ZFPM2: variants seen among roughly 807,000 people sequenced by gnomAD.
ZFPM2 encodes the protein zinc finger protein, FOG family member 2.
Under a neutral mutation model 98.6 loss-of-function variants are expected in ZFPM2, and 20 were observed. The ratio of observed to expected loss-of-function variants is 0.20; its 90% CI spans 0.14 to 0.29. The LOEUF is 0.29. Ranked by LOEUF, ZFPM2 falls within the 10% of genes least tolerant of loss-of-function variation. The pLI is 1.00. For synonymous variants in ZFPM2, 518 were observed against 502.7 expected (o/e 1.03, Z -0.41); for missense variants, 1,310 against 1,388.6 (o/e 0.94, Z 0.90).
chr8:105,645,114 T>C (rs1817018268), intron 5 of ZFPM2, among the ~76,000 whole-genome samples: 1 of 152,200 alleles, frequency 6.6e-6, no homozygotes, highest in African/African-American at 2.4e-5. Context: ...AGCTGCTCAA[T>C]GAATATTTTT....
At chr8:105,584,432 G>A (rs1815669351) in intron 4 of ZFPM2, among the ~76,000 whole-genome samples, 1 of 152,056 alleles carries the variant, frequency 6.6e-6, no homozygotes, top group Non-Finnish European at 1.5e-5. Flanking sequence ...GCCAAGAAAG[G>A]ATGAGTAGGG....
At chr8:105,480,479 A>G (rs1339870189) in intron 3 of ZFPM2, among the ~76,000 whole-genome samples, 1 of 152,188 alleles carries the variant, frequency 6.6e-6, no homozygotes, top group Admixed American at 6.5e-5. Flanking sequence ...CGCAGAGAAA[A>G]TAAGTTATGT....
chr8:105,691,231 CTTTTTTTTTTTTTTT>C (rs869164122), intron 5 of ZFPM2, among the ~76,000 whole-genome samples: 2 of 67,964 alleles, frequency 2.9e-5, no homozygotes, highest in African/African-American at 1.6e-4. Context: ...CCCAAAGAGA[CTTTTTTTTTTTTTTT>C]TTTTTTTTTT....
At chr8:105,331,952 T>G (rs1563607764) in intron 1 of ZFPM2, among the ~76,000 whole-genome samples, 1 of 151,790 alleles carries the variant, frequency 6.6e-6, no homozygotes, top group Non-Finnish European at 1.5e-5. Context: ...CCTAAACTTT[T>G]GATCATGGAC....
At chr8:105,387,965 A>G (rs748471399) in intron 1 of ZFPM2, 3 of 152,274 alleles carry the variant, frequency 2.0e-5, no homozygotes, top group Non-Finnish European at 4.4e-5. Flanking sequence ...TTTCTGATGC[A>G]GTAAGAAATT....
chr8:105,319,361 TG>T (rs1008011333), intron 1 of ZFPM2, among the ~76,000 whole-genome samples: 2 of 152,170 alleles, frequency 1.3e-5, no homozygotes, highest in Non-Finnish European at 2.9e-5. Context: ...GCGATTGACG[TG>T]GGACTACTCT....
intron 5 of ZFPM2, among the ~76,000 whole-genome samples, chr8:105,669,115 T>A (rs1817541233): frequency 6.6e-6 from 1 of 152,060 alleles, no homozygotes; most frequent in African/African-American, 2.4e-5. Flanking sequence ...TATCTTATTC[T>A]TACAATGACT....
chr8:105,748,080 G>A (rs1307095396), intron 5 of ZFPM2, among the ~76,000 whole-genome samples: 1 of 151,916 alleles, frequency 6.6e-6, no homozygotes, highest in Non-Finnish European at 1.5e-5. Flanking sequence ...TGCTTTCATT[G>A]ACTTTATATA....
chr8:105,431,049 G>GCCCC (rs985119272), intron 2 of ZFPM2, among the ~76,000 whole-genome samples: 1 of 151,672 alleles, frequency 6.6e-6, no homozygotes, highest in Non-Finnish European at 1.5e-5. Context: ...GACTACAGGC[G>GCCCC]CCCCCCACCA....
At chr8:105,386,646 G>A (rs1476896391) in intron 1 of ZFPM2, among the ~76,000 whole-genome samples, 2 of 152,236 alleles carry the variant, frequency 1.3e-5, no homozygotes, top group African/African-American at 2.4e-5. Flanking sequence ...TGCACAGAGC[G>A]AAAGAACAAA....
At chr8:105,780,848 C>T (rs1260874517) in intron 5 of ZFPM2, among the ~76,000 whole-genome samples, 1 of 152,174 alleles carries the variant, frequency 6.6e-6, no homozygotes, top group East Asian at 1.9e-4. Flanking sequence ...CCATTGCACT[C>T]TAGCCTGGGC....
At chr8:105,528,386 A>G (rs1382173735) in intron 3 of ZFPM2, among the ~76,000 whole-genome samples, 1 of 152,110 alleles carries the variant, frequency 6.6e-6, no homozygotes, top group Non-Finnish European at 1.5e-5. Flanking sequence ...AATTTGAACT[A>G]AACTCTGAAG....
At chr8:105,370,774 T>C (rs1275294020) in intron 1 of ZFPM2, among the ~76,000 whole-genome samples, 3 of 152,246 alleles carry the variant, frequency 2.0e-5, no homozygotes, top group Non-Finnish European at 4.4e-5. Context: ...CTGTATTTTA[T>C]GCCTGAGGAA....
intron 4 of ZFPM2, among the ~76,000 whole-genome samples, chr8:105,602,913 C>A (rs1470872504): frequency 6.6e-6 from 1 of 152,038 alleles, no homozygotes; most frequent in Non-Finnish European, 1.5e-5. Flanking sequence ...CTTTTTAAAT[C>A]AAGTCACATA....
At chr8:105,469,894 A>G (rs1812864431) in intron 3 of ZFPM2, among the ~76,000 whole-genome samples, 1 of 152,216 alleles carries the variant, frequency 6.6e-6, no homozygotes, top group Non-Finnish European at 1.5e-5. Context: ...TAAAGGGCAT[A>G]ACAAAGTGCC....
chr8:105,664,159 TG>T (rs1300228950), intron 5 of ZFPM2, among the ~76,000 whole-genome samples: 2 of 152,250 alleles, frequency 1.3e-5, no homozygotes, highest in Non-Finnish European at 2.9e-5. Context: ...CGATGACTTT[TG>T]TACTCCATTG....
At chr8:105,446,813 G>T (rs1812380844) in intron 3 of ZFPM2, among the ~76,000 whole-genome samples, 1 of 151,810 alleles carries the variant, frequency 6.6e-6, no homozygotes. Flanking sequence ...CCAAAAAAGG[G>T]GTTTTATTAT....
intron 3 of ZFPM2, among the ~76,000 whole-genome samples, chr8:105,498,046 A>C (rs959841928): frequency 2.0e-5 from 3 of 149,364 alleles, no homozygotes; most frequent in Admixed American, 1.3e-4. Flanking sequence ...AAAAAAAAAA[A>C]CAAAATCCAG....
In ZFPM2 at chr8:105,610,809, A is replaced by C. The variant is rs545695029; in HGVS notation, c.421-23437A>C. On this transcript the variant is annotated intron_variant, in intron 4 of 7. Transcript: ENST00000407775. Reference sequence around the variant, plus strand: ...GCACATGGCCTCAAACCTCACCTGGAGAGACAGATTTCCTAAGGGCAGAGA... The same window carrying C: ...GCACATGGCCTCAAACCTCACCTGGCGAGACAGATTTCCTAAGGGCAGAGA... 2.0e-5 allele frequency among the ~76,000 whole-genome samples: 3 copies of C among 152,316 alleles called. No homozygotes were observed. The East Asian group carries it at 5.8e-4, about 29-fold the overall frequency.
Sources: gnomAD v4.1 joint callset for allele counts (sites outside exome capture counted in the v4.1 genomes callset) on GRCh38, gnomAD v4.1.1 for gene constraint, MANE v1.5 for transcripts, NCBI Gene and HGNC (gene_info 2026-07-23, HGNC 2026-07-21) for gene names.